DYM: variants seen among roughly 807,000 people sequenced by gnomAD.
The protein encoded by DYM is dyggve-Melchior-Clausen syndrome protein.
Under a neutral mutation model 93.1 loss-of-function variants are expected in DYM, and 78 were observed. That is an observed-to-expected ratio of 0.84 (90% CI 0.70 to 1.01). The LOEUF (loss-of-function observed/expected upper bound fraction) is 1.01. DYM is among the 50% of genes least tolerant of loss of function. The pLI is 0.00. For missense variants in DYM, 789 were observed against 845.0 expected, an observed-to-expected ratio of 0.93 and a Z score of 0.82; for synonymous variants, 321 against 319.7, an observed-to-expected ratio of 1.00 and a Z score of -0.04.
chr18:49,306,423 C>T (rs185320177), intron 8 of DYM, among the ~76,000 whole-genome samples: 3 of 152,314 alleles, frequency 2.0e-5, no homozygotes, highest in Admixed American at 1.3e-4. Flanking sequence ...GCACAAATCA[C>T]ATATTATCCC....
intron 14 of DYM, among the ~76,000 whole-genome samples, chr18:49,194,857 T>C (rs1310972279): frequency 1.3e-5 from 2 of 152,328 alleles, no homozygotes; most frequent in African/African-American, 2.4e-5. Context: ...AATATGTATT[T>C]TCTTATGTTT....
chr18:49,164,046 T>C (rs2087551897), intron 14 of DYM, among the ~76,000 whole-genome samples: 1 of 152,092 alleles, frequency 6.6e-6, no homozygotes, highest in South Asian at 2.1e-4. Context: ...ACAGGAGCAT[T>C]TTTCATAAGA....
At chr18:49,340,217 G>A (rs752426102) in intron 6 of DYM, among the ~76,000 whole-genome samples, 1 of 152,088 alleles carries the variant, frequency 6.6e-6, no homozygotes, top group Non-Finnish European at 1.5e-5. Context: ...CTACCAAAGT[G>A]CTGGGATTAC....
chr18:49,296,963 A>G (rs960007210), intron 8 of DYM, among the ~76,000 whole-genome samples: 1 of 152,180 alleles, frequency 6.6e-6, no homozygotes, highest in Non-Finnish European at 1.5e-5. Context: ...TTCACATTCT[A>G]TAAATCTTGG....
chr18:49,050,128 C>T (rs182557061), intron 17 of DYM, among the ~76,000 whole-genome samples: 7 of 148,662 alleles, frequency 4.7e-5, no homozygotes, highest in Non-Finnish European at 8.9e-5. Context: ...CTCTTGTTGC[C>T]CAGGCTGGAG....
At chr18:49,212,873 G>C (rs2092849652) in intron 13 of DYM, among the ~76,000 whole-genome samples, 1 of 152,032 alleles carries the variant, frequency 6.6e-6, no homozygotes, top group South Asian at 2.1e-4. Flanking sequence ...TTAAGATTAT[G>C]AGATTCAAAC....
At chr18:49,289,758 TATATATATATATATACAC>T (rs2059960772) in intron 8 of DYM, among the ~76,000 whole-genome samples, 2 of 38,170 alleles carry the variant, frequency 5.2e-5, no homozygotes, top group East Asian at 8.8e-4. Context: ...TATATATATA[TATATATATATATATACAC>T]ATATATATAT....
chr18:49,048,813 G>A (rs1009823420), intron 17 of DYM, among the ~76,000 whole-genome samples: 4 of 152,160 alleles, frequency 2.6e-5, no homozygotes, highest in African/African-American at 7.2e-5. Context: ...GCACCCCCAT[G>A]ACTATCCTTC....
At chr18:49,246,960 GT>G (rs2094185444) in intron 13 of DYM, among the ~76,000 whole-genome samples, 1 of 152,192 alleles carries the variant, frequency 6.6e-6, no homozygotes, top group Non-Finnish European at 1.5e-5. Flanking sequence ...ACTCTCTCAT[GT>G]TTTGCACATC....
chr18:49,347,566 C>T (rs2064707171), intron 6 of DYM, among the ~76,000 whole-genome samples: 1 of 152,184 alleles, frequency 6.6e-6, no homozygotes, highest in African/African-American at 2.4e-5. Flanking sequence ...TTAACCTCAA[C>T]AAATAACTTC....
intron 15 of DYM, among the ~76,000 whole-genome samples, chr18:49,137,409 G>T (rs1403221163): frequency 3.3e-5 from 5 of 152,130 alleles, no homozygotes; most frequent in Admixed American, 2.6e-4. Flanking sequence ...TTTAATCTGA[G>T]AATTTCTTTT....
chr18:49,215,801 C>G (rs1156710688), intron 13 of DYM, among the ~76,000 whole-genome samples: 1 of 152,234 alleles, frequency 6.6e-6, no homozygotes, highest in Non-Finnish European at 1.5e-5. Context: ...CAGCTCCGGT[C>G]TACAGCTCCC....
At chr18:49,379,438 T>C (rs932725969) in intron 4 of DYM, among the ~76,000 whole-genome samples, 1 of 152,144 alleles carries the variant, frequency 6.6e-6, no homozygotes, top group South Asian at 2.1e-4. Flanking sequence ...TCTTAAAGAA[T>C]ATAATCTAAA....
At chr18:49,066,663 C>T (rs1452255320) in intron 17 of DYM, among the ~76,000 whole-genome samples, 1 of 152,110 alleles carries the variant, frequency 6.6e-6, no homozygotes, top group Non-Finnish European at 1.5e-5. Flanking sequence ...ATCTGTTCGA[C>T]TTTAGCAGAT....
At chr18:49,180,290 T>C (rs1472561566) in intron 14 of DYM, among the ~76,000 whole-genome samples, 1 of 152,136 alleles carries the variant, frequency 6.6e-6, no homozygotes, top group Non-Finnish European at 1.5e-5. Context: ...TGTGTTCCTT[T>C]TGAAACCAGA....
chr18:49,415,356 A>T (rs1414372729), intron 2 of DYM, among the ~76,000 whole-genome samples: 1 of 150,094 alleles, frequency 6.7e-6, no homozygotes, highest in African/African-American at 2.4e-5. Flanking sequence ...AAAAAATTTT[A>T]AAAATGAGAG....
chr18:49,350,763 G>A (rs1174121850), intron 6 of DYM, among the ~76,000 whole-genome samples: 21 of 151,024 alleles, frequency 1.4e-4, no homozygotes, highest in Admixed American at 1.3e-3. Context: ...TTTTTATGCG[G>A]TATGCTATGA....
At chr18:49,350,445 CGTCTGTAATCCCA>C (rs2065010632) in intron 6 of DYM, among the ~76,000 whole-genome samples, 1 of 152,108 alleles carries the variant, frequency 6.6e-6, no homozygotes, top group Non-Finnish European at 1.5e-5. Context: ...CAGTGGCTTA[CGTCTGTAATCCCA>C]GCACTTTGGG....
chr18:49,423,898 ATAAT>A (rs1326728467), intron 2 of DYM, among the ~76,000 whole-genome samples: 3 of 152,356 alleles, frequency 2.0e-5, no homozygotes, highest in South Asian at 4.1e-4. Context: ...AATTGAGGCA[ATAAT>A]TAATAGCCTA....
Sources: allele counts gnomAD v4.1 joint callset (sites outside exome capture counted in the v4.1 genomes callset), GRCh38; gene constraint gnomAD v4.1.1; transcripts MANE v1.5; gene names NCBI Gene and HGNC (gene_info 2026-07-23, HGNC 2026-07-21).